DHX35: variants seen among roughly 807,000 people sequenced by gnomAD.
DHX35 encodes the protein DEAH-box helicase 35, also known as probable ATP-dependent RNA helicase DHX35.
In DHX35, 84 loss-of-function variants were observed where a neutral mutation model predicts 99.6. The ratio of observed to expected loss-of-function variants is 0.84; its 90% CI spans 0.71 to 1.01. The LOEUF (loss-of-function observed/expected upper bound fraction) is 1.01. Among genes scored for constraint, DHX35 ranks in the 50% least tolerant of loss-of-function variants. DHX35 has a pLI of 0.00. For missense variants in DHX35, 852 were observed against 888.5 expected, an observed-to-expected ratio of 0.96 and a Z score of 0.52; for synonymous variants, 331 against 316.2, an observed-to-expected ratio of 1.05 and a Z score of -0.50.
chr20:38,974,052 G>T (rs574253698), intron 3 of DHX35, among the ~76,000 whole-genome samples: 1 of 152,260 alleles, frequency 6.6e-6, no homozygotes, highest in Admixed American at 6.5e-5. Flanking sequence ...TTCTCCTGCT[G>T]GGCTCTACCT....
chr20:38,978,090 A>C lies in DHX35; in HGVS notation c.267+5439A>C, dbSNP rs983433370. ...CTACAGCTACTAAGTGCTGTCCACT[A>C]ATATGCACTGGCCCTGAGCCACACT... On this transcript the variant is annotated intron_variant, in intron 3 of 21. Coordinates refer to ENST00000252011, the MANE Select transcript of DHX35 (RefSeq NM_021931.4). 37 of 761,180 alleles carry C rather than the reference A, an allele frequency of 4.9e-5. 1 individual carries two copies. In the Admixed American group the frequency reaches 6.1e-4, roughly 13 times the overall value. The allele number at this position is 761,180 out of a possible 1,614,324, so 47.2% of individuals were successfully genotyped here. A position where few individuals can be genotyped will look rare whatever the true frequency, so the allele number is the denominator to read the frequency against.
At chr20:38,971,975 A>G (rs1020583584) in intron 2 of DHX35, among the ~76,000 whole-genome samples, 3 of 142,842 alleles carry the variant, frequency 2.1e-5, no homozygotes, top group African/African-American at 2.6e-5. Flanking sequence ...CAGTATGTCT[A>G]TAATTTCTTG....
chr20:38,987,432 T>TG (rs1439208981), intron 4 of DHX35, among the ~76,000 whole-genome samples: 1 of 152,076 alleles, frequency 6.6e-6, no homozygotes, highest in Non-Finnish European at 1.5e-5. Context: ...TTAGTAGAGA[T>TG]GGGGTTTCAC....
chr20:39,014,811 G>GA, intron 13 of DHX35, 69 bp from the exon 14 acceptor site: 1 of 1,588,964 alleles, frequency 6.3e-7, no homozygotes, highest in Non-Finnish European at 8.6e-7. Flanking sequence ...ATTTGAAAAG[G>GA]AAACAGCCAC....
chr20:39,019,098 A>G (rs1471159200), intron 15 of DHX35, among the ~76,000 whole-genome samples, 199 bp downstream of exon 15: 1 of 152,210 alleles, frequency 6.6e-6, no homozygotes, highest in Non-Finnish European at 1.5e-5. Flanking sequence ...TTGTGCAACC[A>G]TCAGCACCAT....
Position 38,983,737 on chromosome 20 carries a change from G to T in DHX35, c.306G>T (p.Val102=), listed in dbSNP as rs1164737928. 6.2e-6 allele frequency: 10 copies of T among 1,614,066 alleles called. No homozygotes were observed. In the South Asian group the frequency reaches 9.9e-5, roughly 16 times the overall value. The change falls in exon 4 of 22, where the codon GTG becomes GTT. Residue 102 remains valine, a synonymous_variant. Transcript: ENST00000252011. The stretch of plus-strand genomic sequence containing the variant: ...CCGGCTGGACAGCTGAAGGAAGAGT[G>T]GTAGGAGTGACCCAGCCTCGAAGAG... The part of the protein sequence containing the change: ...AEAGWTAEGR[V]VGVTQPRRVA...
At chr20:38,962,705 T>A (rs1406900129) in intron 1 of DHX35, 3 of 435,170 alleles carry the variant, frequency 6.9e-6, no homozygotes, top group Non-Finnish European at 1.2e-5. Flanking sequence ...AGATGGGGAA[T>A]CCTAAAGCTC....
intron 2 of DHX35, among the ~76,000 whole-genome samples, chr20:38,971,150 C>G (rs75196247): frequency 6.6e-6 from 1 of 151,886 alleles, no homozygotes. Flanking sequence ...ACAAGGAGTT[C>G]GAGACCAACC....
intron 13 of DHX35, among the ~76,000 whole-genome samples, chr20:39,010,745 G>A (rs754891681): frequency 1.1e-4 from 17 of 152,188 alleles, no homozygotes; most frequent in South Asian, 6.2e-4. Context: ...GGTTAGGAGT[G>A]GAGAGTTCCA....
intron 4 of DHX35, among the ~76,000 whole-genome samples, chr20:38,986,373 T>G (rs2086249662): frequency 6.6e-6 from 1 of 151,924 alleles, no homozygotes; most frequent in African/African-American, 2.4e-5. Context: ...AAAAATAGAG[T>G]TTGAAAATAA....
In DHX35 at chr20:39,030,794, T is replaced by G. The variant is rs775096344; in HGVS notation, c.1955+19T>G. ...CTCGCTGGTAAGCTCATCCTGCTGC[T>G]TAGCCTGTGCCTGCTTTGAACAGGG... On this transcript the variant is annotated intron_variant, in intron 20 of 21. Transcript: ENST00000252011. 2 of 1,613,448 alleles carry G rather than the reference T, an allele frequency of 1.2e-6. No individual in the cohort carries two copies. Among genetic ancestry groups the G allele is most frequent in the South Asian group, 2.2e-5 (2 of 91,042 alleles).
Position 39,006,244 on chromosome 20 carries a change from C to T in DHX35, c.1110C>T (p.Pro370=), listed in dbSNP as rs751728904. 1 of 1,614,010 alleles carries T rather than the reference C, an allele frequency of 6.2e-7. No individual in the cohort carries two copies. The highest frequency in any genetic ancestry group is 2.2e-5 in the East Asian group (1 of 44,890). ...TTGTGAAACTCCGAGCCTACAATCCCAGGACAGCTATTGAATGCTTGGTGG... is the reference window on the plus strand; with the variant it reads ...TTGTGAAACTCCGAGCCTACAATCCTAGGACAGCTATTGAATGCTTGGTGG... ...CGFVKLRAYN[P]RTAIECLVVV... is the part of the protein sequence containing the mutation. The change falls in exon 12 of 22, where the codon CCC becomes CCT. Residue 370 remains proline, a synonymous_variant. Coordinates refer to ENST00000252011, the MANE Select transcript of DHX35 (RefSeq NM_021931.4).
chr20:39,005,990 C>T (rs1417930900), intron 11 of DHX35, among the ~76,000 whole-genome samples, 156 bp from the exon 12 acceptor site: 1 of 152,098 alleles, frequency 6.6e-6, no homozygotes, highest in Non-Finnish European at 1.5e-5. Flanking sequence ...CCCAGGGCAC[C>T]CCCTGACTTG....
intron 2 of DHX35, among the ~76,000 whole-genome samples, chr20:38,970,186 G>A (rs769460171): frequency 6.6e-6 from 1 of 152,170 alleles, no homozygotes; most frequent in Admixed American, 6.5e-5. Context: ...GCCTCCCAAA[G>A]TGCTGGGATT....
intron 1 of DHX35, among the ~76,000 whole-genome samples, chr20:38,966,190 T>C (rs144299166): frequency 2.6e-5 from 4 of 152,222 alleles, no homozygotes; most frequent in Non-Finnish European, 2.9e-5. Flanking sequence ...AAGATGTTCA[T>C]AGTTTGCAAA....
chr20:39,020,022 A>C, intron 15 of DHX35, among the ~76,000 whole-genome samples: 1 of 152,212 alleles, frequency 6.6e-6, no homozygotes, highest in Non-Finnish European at 1.5e-5. Context: ...TTCACTTGGC[A>C]TAATGTCCTC....
intron 4 of DHX35, among the ~76,000 whole-genome samples, chr20:38,984,589 A>T (rs1001250402): frequency 1.3e-5 from 2 of 152,228 alleles, no homozygotes; most frequent in African/African-American, 4.8e-5. Context: ...GAGTACAAAA[A>T]AATTCAAGAT....
intron 2 of DHX35, among the ~76,000 whole-genome samples, chr20:38,970,625 T>A (rs1363648635): frequency 6.6e-6 from 1 of 152,226 alleles, no homozygotes; most frequent in Non-Finnish European, 1.5e-5. Flanking sequence ...TTCTTTTCTT[T>A]ATCTGTGATG....
intron 14 of DHX35, among the ~76,000 whole-genome samples, chr20:39,015,805 C>G (rs2086775977): frequency 6.6e-6 from 1 of 151,996 alleles, no homozygotes; most frequent in African/African-American, 2.4e-5. Context: ...TATTCATCAC[C>G]CAAAAAAGAA....
Sources: allele counts gnomAD v4.1 joint callset (sites outside exome capture counted in the v4.1 genomes callset), GRCh38; gene constraint gnomAD v4.1.1; transcripts MANE v1.5; gene names NCBI Gene and HGNC (gene_info 2026-07-23, HGNC 2026-07-21).